The following SLC38A10 variants were observed in gnomAD, a reference collection of about 807,000 sequenced individuals.
The protein encoded by SLC38A10 is solute carrier family 38 member 10, also known as Sodium-coupled neutral amino acid transporter 10.
In SLC38A10, 53 loss-of-function variants were observed where a neutral mutation model predicts 81.0. The ratio of observed to expected loss-of-function variants is 0.65; its 90% CI spans 0.53 to 0.82. SLC38A10 has a LOEUF of 0.82. Among genes scored for constraint, SLC38A10 ranks in the 40% least tolerant of loss-of-function variants. SLC38A10 has a pLI of 0.00. For synonymous variants in SLC38A10, 665 were observed against 655.3 expected (o/e 1.01, Z -0.23); for missense variants, 1,471 against 1,545.0 (o/e 0.95, Z 0.80).
chr17:81,251,974 TG>T, intron 13 of SLC38A10: 1 of 690,256 alleles, frequency 1.4e-6, no homozygotes, highest in Non-Finnish European at 2.3e-6. Context: ...TGACATTTAG[TG>T]GTCTGGCAAA....
At position 81,245,143 on chromosome 17, in the gene SLC38A10, A is replaced by T. The variant is rs1337421368; in HGVS notation, c.*413T>A. The T allele has an allele frequency of 1.0e-5, 2 of 192,382 alleles. No individual in the cohort carries two copies. The highest frequency in any genetic ancestry group is 2.1e-5 in the Non-Finnish European group (2 of 94,448). 11.9% of individuals were successfully genotyped at this position (192,382 alleles called of 1,614,324 possible). On this transcript the variant is annotated 3_prime_UTR_variant, in exon 16 of 16. Coordinates refer to ENST00000374759, the MANE Select transcript of SLC38A10 (RefSeq NM_001037984.3). The stretch of plus-strand genomic sequence containing the variant: ...CACAGTAGCCTGTGTTGGGACCATG[A>T]GCAGCCATGCGCACCTCCACGCACG...
At chr17:81,273,043 G>A (rs1038876043) in intron 8 of SLC38A10, among the ~76,000 whole-genome samples, 14 of 152,200 alleles carry the variant, frequency 9.2e-5, no homozygotes, top group Non-Finnish European at 1.6e-4. Flanking sequence ...AGGTTTCAGG[G>A]TGCAGGCAGA....
intron 10 of SLC38A10, chr17:81,264,430 G>T: frequency 6.6e-6 from 1 of 152,494 alleles, no homozygotes; most frequent in Non-Finnish European, 1.5e-5. Context: ...CAGGAGGAAT[G>T]CAAGCCCACT....
chr17:81,260,534 G>A lies in SLC38A10; in HGVS notation c.1132-140C>T, dbSNP rs528321445. On this transcript the variant is annotated intron_variant, in intron 10 of 15. Coordinates refer to ENST00000374759, the MANE Select transcript of SLC38A10 (RefSeq NM_001037984.3). ...GACATGACAAAGTCCCCCGAGGACG[G>A]GACAGGCGTGCAGTCGGCCCTGCCT... The A allele has an allele frequency of 2.3e-3, 2,705 of 1,183,472 alleles. 6 individuals are homozygous for A. The highest frequency in any genetic ancestry group is 2.6e-3 in the Non-Finnish European group (2,285 of 867,504). 73.3% of individuals were successfully genotyped at this position (1,183,472 alleles called of 1,614,324 possible).
rs371648908 is a variant in SLC38A10 at position 81,251,509 on chromosome 17, C to T, written c.2049G>A (p.Ala683=). ...RDVERAGGNQ[A]ASQLEEAGRA... is the part of the protein sequence containing the mutation. Reference sequence around the variant, plus strand: ...AGGCCTTACCCTCCAGCTGGCTGGCCGCCTGGTTTCCACCCGCTCGCTCCA... The same window carrying T: ...AGGCCTTACCCTCCAGCTGGCTGGCTGCCTGGTTTCCACCCGCTCGCTCCA... Residue 683 remains alanine, a synonymous_variant, in exon 14 of 16, where the codon GCG becomes GCA. Transcript: ENST00000374759. The T allele has an allele frequency of 1.3e-4, 200 of 1,599,052 alleles. No individual in the cohort carries two copies. The highest frequency in any genetic ancestry group is 6.2e-4 in the Middle Eastern group (3 of 4,860).
In SLC38A10 at chr17:81,289,922, C is replaced by T. The variant is rs2063297361; in HGVS notation, c.100-114G>A. On this transcript the variant is annotated intron_variant, in intron 1 of 15. Transcript: ENST00000374759. This position sits in a 1 kb window ranked among gnomAD's most constrained non-coding sequence, Gnocchi z 5.9. ...TTCACCCCCAGGCCCCGCTCCATCCCAGTCTCCTGCCGAACGCGACACTTC... is the reference window on the plus strand; with the variant it reads ...TTCACCCCCAGGCCCCGCTCCATCCTAGTCTCCTGCCGAACGCGACACTTC... The T allele has an allele frequency of 3.7e-6, 3 of 805,290 alleles. No individual in the cohort carries two copies. The highest frequency in any genetic ancestry group is 3.3e-5 in the Admixed American group (1 of 30,060). The allele number at this position is 805,290 out of a possible 1,614,324, so 49.9% of individuals were successfully genotyped here.
intron 12 of SLC38A10, 87 bp downstream of exon 12, chr17:81,252,986 T>C (rs2062933615): frequency 3.3e-6 from 5 of 1,510,956 alleles, no homozygotes; most frequent in Non-Finnish European, 3.6e-6. Context: ...CACACAGCCC[T>C]GAGAGCCACC....
At chr17:81,256,104 T>A (rs2062970120) in intron 11 of SLC38A10, among the ~76,000 whole-genome samples, 1 of 152,226 alleles carries the variant, frequency 6.6e-6, no homozygotes, top group African/African-American at 2.4e-5. Context: ...TGACGCAGGT[T>A]CCCAGCTCCT....
Position 81,295,038 on chromosome 17 carries a change from G to A in SLC38A10, c.-117C>T. 7.3e-7 allele frequency: 1 copy of A among 1,362,944 alleles called. No homozygotes were observed. The highest frequency in any genetic ancestry group is 9.5e-7 in the Non-Finnish European group (1 of 1,054,336). The allele number at this position is 1,362,944 out of a possible 1,614,324, so 84.4% of individuals were successfully genotyped here. A position where few individuals can be genotyped will look rare whatever the true frequency, so the allele number is the denominator to read the frequency against. On this transcript the variant is annotated 5_prime_UTR_variant, in exon 1 of 16. Transcript: ENST00000374759. ...GTCCCAACGTCCGGGACGCCGGTGG[G>A]GAGGGGATGGGCAGCCTGAACACGG...
intron 15 of SLC38A10, 73 bp from the exon 16 acceptor site, chr17:81,246,746 C>A: frequency 6.7e-7 from 1 of 1,499,404 alleles, no homozygotes; most frequent in Non-Finnish European, 8.9e-7. Flanking sequence ...CTCAGAAGAA[C>A]CAGCAACAAC....
Position 81,276,642 on chromosome 17 carries a change from G to A in SLC38A10, c.729+389C>T, listed in dbSNP as rs1368635829. Among the ~76,000 whole-genome samples, 7 of 152,040 alleles carry A rather than the reference G, an allele frequency of 4.6e-5. No individual in the cohort carries two copies. Among genetic ancestry groups the A allele is most frequent in the East Asian group, 1.9e-4 (1 of 5,198 alleles). On this transcript the variant is annotated intron_variant, in intron 7 of 15. Coordinates refer to ENST00000374759, the MANE Select transcript of SLC38A10 (RefSeq NM_001037984.3). The surrounding 1 kb of genome is among the most constrained non-coding windows in gnomAD (Gnocchi z 4.7). The stretch of plus-strand genomic sequence containing the variant: ...CCTGACCTCATGATCTGCCCACCTC[G>A]GTCTCCCAAAGTGCTGGGATTACAG...
chr17:81,271,229 G>A (rs1190412645), intron 9 of SLC38A10, among the ~76,000 whole-genome samples: 2 of 152,236 alleles, frequency 1.3e-5, no homozygotes, highest in African/African-American at 2.4e-5. Flanking sequence ...AGGCCCCGGG[G>A]TGAATTCTCT....
intron 14 of SLC38A10, chr17:81,250,076 C>T (rs1159509104): frequency 7.8e-7 from 1 of 1,288,612 alleles, no homozygotes; most frequent in Non-Finnish European, 1.0e-6. Flanking sequence ...GTACCTGCTA[C>T]TATCTTTTTA....
At chr17:81,290,486 TG>T (rs1374112657) in intron 1 of SLC38A10, among the ~76,000 whole-genome samples, 4 of 152,218 alleles carry the variant, frequency 2.6e-5, no homozygotes, top group African/African-American at 9.6e-5. Context: ...CGCACCATGC[TG>T]AGCAGAGGAA....
rs566667516 is a variant in SLC38A10, at chr17:81,270,064, G to T, written c.1131+854C>A. On this transcript the variant is annotated intron_variant, in intron 10 of 15. Transcript: ENST00000374759. The surrounding 1 kb of genome is among the most constrained non-coding windows in gnomAD (Gnocchi z 4.0). The stretch of plus-strand genomic sequence containing the variant: ...ACAAGCAGTTCACAGAAAAAGAAAC[G>T]CAAGTGGCTTCTAAACCCATGAAAA... Among the ~76,000 whole-genome samples, 5 of 152,236 alleles carry T rather than the reference G, an allele frequency of 3.3e-5. No homozygotes were observed. The South Asian group carries it at 8.3e-4, about 25-fold the overall frequency.
At chr17:81,251,976 G>A in intron 13 of SLC38A10, 2 of 703,004 alleles carry the variant, frequency 2.8e-6, no homozygotes, top group Non-Finnish European at 4.5e-6. Flanking sequence ...ACATTTAGTG[G>A]TCTGGCAAAC....
chr17:81,284,782 C>T, intron 3 of SLC38A10, 68 bp downstream of exon 3: 1 of 1,337,340 alleles, frequency 7.5e-7, no homozygotes, highest in Non-Finnish European at 1.0e-6. Flanking sequence ...CTGCCGCTCC[C>T]ACCGGGAGGG....
Position 81,253,368 on chromosome 17 carries a change from A to C in SLC38A10, c.1289-128T>G, listed in dbSNP as rs2062938336. 1 of 1,140,488 alleles carries C rather than the reference A, an allele frequency of 8.8e-7. No individual in the cohort carries two copies. The highest frequency in any genetic ancestry group is 1.2e-6 in the Non-Finnish European group (1 of 823,526). 70.6% of individuals were successfully genotyped at this position (1,140,488 alleles called of 1,614,324 possible). A position where few individuals can be genotyped will look rare whatever the true frequency, so the allele number is the denominator to read the frequency against. On this transcript the variant is annotated intron_variant, in intron 11 of 15. Coordinates refer to ENST00000374759, the MANE Select transcript of SLC38A10 (RefSeq NM_001037984.3). The surrounding 1 kb of genome is among the most constrained non-coding windows in gnomAD (Gnocchi z 4.1). ...CAAAGCAGTTTCTTTTTCCTGTTCG[A>C]TCATTAGCAGCTAAGTAGCACAGAA...
chr17:81,289,663 G>C lies in SLC38A10; in HGVS notation c.217+28C>G, dbSNP rs1248379693. ...GAATAAGGCCCCCGCCCCAGGTCCA[G>C]AGCCACCTTGTGGAGAGGGCGCCTC... On this transcript the variant is annotated intron_variant, in intron 2 of 15. Transcript: ENST00000374759. The surrounding 1 kb of genome is among the most constrained non-coding windows in gnomAD (Gnocchi z 5.9). 1.3e-6 allele frequency: 2 copies of C among 1,553,722 alleles called. No individual in the cohort carries two copies. Among genetic ancestry groups the C allele is most frequent in the South Asian group, 2.3e-5 (2 of 86,976 alleles).
Sources: allele counts gnomAD v4.1 joint callset (sites outside exome capture counted in the v4.1 genomes callset), GRCh38; gene constraint gnomAD v4.1.1; non-coding constraint Gnocchi (gnomAD v3.1); transcripts MANE v1.5; gene names NCBI Gene and HGNC (gene_info 2026-07-23, HGNC 2026-07-21).